SUPT3H: variants seen among roughly 807,000 people sequenced by gnomAD.
SUPT3H encodes SPT3 homolog, SAGA and STAGA complex component.
In SUPT3H, 44 loss-of-function variants were observed where a neutral mutation model predicts 44.3. The observed-to-expected ratio is 0.99, with a 90% CI of 0.78 to 1.28. The LOEUF is 1.28. SUPT3H is among the 50% of genes most tolerant of loss of function. SUPT3H has a pLI of 0.00. For synonymous variants in SUPT3H, 124 were observed against 125.6 expected (o/e 0.99, Z 0.09); for missense variants, 380 against 387.1 (o/e 0.98, Z 0.15).
chr6:45,259,930 C>A (rs1405317028), intron 2 of SUPT3H, among the ~76,000 whole-genome samples: 3 of 152,132 alleles, frequency 2.0e-5, no homozygotes, highest in African/African-American at 7.2e-5. Context: ...TTAGATAGTT[C>A]TTTTTCTCTT....
chr6:45,278,201 G>C (rs1439288476), intron 2 of SUPT3H, among the ~76,000 whole-genome samples: 1 of 152,060 alleles, frequency 6.6e-6, no homozygotes, highest in Non-Finnish European at 1.5e-5. Flanking sequence ...TAGATGACGA[G>C]TTGATGGGTG....
In SUPT3H at chr6:45,314,892, A is replaced by G. The variant is rs151065695; in HGVS notation, c.101+50309T>C. On this transcript the variant is annotated intron_variant, in intron 2 of 10. Coordinates refer to ENST00000371459, the MANE Select transcript of SUPT3H (RefSeq NM_003599.4). ...ATATTACCTGATTTCAAAATATACT[A>G]TGAGGCCATAGTCACCAAAACAGCA... Among the ~76,000 whole-genome samples, 960 of 152,336 alleles carry G rather than the reference A, an allele frequency of 6.3e-3. 14 individuals are homozygous for G. The highest frequency in any genetic ancestry group is 0.02 in the African/African-American group (838 of 41,580).
At chr6:45,187,393 C>A (rs1158057363) in intron 2 of SUPT3H, among the ~76,000 whole-genome samples, 1 of 144,092 alleles carries the variant, frequency 6.9e-6, no homozygotes, top group Non-Finnish European at 1.5e-5. Context: ...CCAACCTGGG[C>A]GACAAGGGCA....
At chr6:45,013,570 T>C (rs560597855) in intron 5 of SUPT3H, among the ~76,000 whole-genome samples, 3 of 152,192 alleles carry the variant, frequency 2.0e-5, no homozygotes, top group South Asian at 4.2e-4. Context: ...TTCTGGTATG[T>C]AGCTTTGCTC....
chr6:45,281,341 G>A (rs1364957414), intron 2 of SUPT3H, among the ~76,000 whole-genome samples: 1 of 152,246 alleles, frequency 6.6e-6, no homozygotes, highest in Non-Finnish European at 1.5e-5. Context: ...CCATTTCCTA[G>A]TCAAAGAAAG....
chr6:44,862,058 T>C (rs937289420), intron 10 of SUPT3H, among the ~76,000 whole-genome samples: 2 of 152,122 alleles, frequency 1.3e-5, no homozygotes, highest in Non-Finnish European at 2.9e-5. Flanking sequence ...AAATACAGCA[T>C]TCTCCATGCC....
At chr6:44,998,649 CTTAT>C (rs1184042770) in intron 6 of SUPT3H, among the ~76,000 whole-genome samples, 2 of 151,738 alleles carry the variant, frequency 1.3e-5, no homozygotes, top group African/African-American at 2.4e-5. Context: ...CAACCTAATA[CTTAT>C]TTTTTATTTT....
chr6:44,878,665 C>T (rs1271096569), intron 10 of SUPT3H, among the ~76,000 whole-genome samples: 4 of 152,224 alleles, frequency 2.6e-5, no homozygotes, highest in Non-Finnish European at 2.9e-5. Context: ...CTCTGGTCTA[C>T]AGCTCCCAGT....
At chr6:45,090,326 A>G (rs890422462) in intron 3 of SUPT3H, among the ~76,000 whole-genome samples, 18 of 152,130 alleles carry the variant, frequency 1.2e-4, no homozygotes, top group African/African-American at 4.3e-4. Context: ...GAGAACAGCC[A>G]TTAGGTCTTT....
At chr6:44,930,715 G>T (rs1770449137) in intron 10 of SUPT3H, among the ~76,000 whole-genome samples, 2 of 152,110 alleles carry the variant, frequency 1.3e-5, no homozygotes, top group Non-Finnish European at 2.9e-5. Context: ...GGTGGAGTTT[G>T]TTACCATTTG....
chr6:45,303,277 A>G (rs1782440007), intron 2 of SUPT3H, among the ~76,000 whole-genome samples: 1 of 152,234 alleles, frequency 6.6e-6, no homozygotes, highest in African/African-American at 2.4e-5. Context: ...GTGGGACTTA[A>G]TTAAACTAAA....
At chr6:45,184,643 G>T (rs564586459) in intron 2 of SUPT3H, among the ~76,000 whole-genome samples, 3 of 151,910 alleles carry the variant, frequency 2.0e-5, no homozygotes, top group Non-Finnish European at 4.4e-5. Flanking sequence ...AAAAAAGAAG[G>T]CTGGCTGCCT....
chr6:44,911,103 A>G (rs935318032), intron 10 of SUPT3H, among the ~76,000 whole-genome samples: 4 of 151,324 alleles, frequency 2.6e-5, no homozygotes, highest in Non-Finnish European at 5.9e-5. Context: ...TGCTAACACT[A>G]TTGGTAAGCT....
intron 2 of SUPT3H, among the ~76,000 whole-genome samples, chr6:45,291,637 A>G (rs1390505523): frequency 6.6e-6 from 1 of 152,210 alleles, no homozygotes. Context: ...ACACTCATAG[A>G]AACGCAAAAT....
chr6:45,165,185 C>G (rs1449927800), intron 2 of SUPT3H, among the ~76,000 whole-genome samples: 2 of 152,176 alleles, frequency 1.3e-5, no homozygotes, highest in Non-Finnish European at 2.9e-5. Flanking sequence ...CCTACAGGCA[C>G]TGATGAAAGC....
At position 44,986,649 on chromosome 6, in the gene SUPT3H, T is replaced by C. The variant is rs148617145; in HGVS notation, c.504+17004A>G. On this transcript the variant is annotated intron_variant, in intron 6 of 10. Coordinates refer to ENST00000371459, the MANE Select transcript of SUPT3H (RefSeq NM_003599.4). ...CTCTAAGCAAAGTAATTAAAGTAAT[T>C]AAAGGTGGTTATTATGAAATTTCTG... 3.5e-3 allele frequency among the ~76,000 whole-genome samples: 531 copies of C among 152,192 alleles called. 11 individuals are homozygous for C. The highest frequency in any genetic ancestry group is 0.028 in the Admixed American group (421 of 15,284).
intron 2 of SUPT3H, among the ~76,000 whole-genome samples, chr6:45,255,659 G>C (rs1484903886): frequency 6.6e-5 from 10 of 151,760 alleles, no homozygotes; most frequent in Non-Finnish European, 1.5e-4. Flanking sequence ...CTGGCCTCAG[G>C]TGATCCTCCC....
intron 2 of SUPT3H, among the ~76,000 whole-genome samples, chr6:45,348,109 G>A (rs1291751761): frequency 1.3e-5 from 2 of 151,978 alleles, no homozygotes; most frequent in Non-Finnish European, 2.9e-5. Context: ...TACGTTAAAA[G>A]CAGCACCTTT....
chr6:45,228,380 AAGAG>A (rs1041701154), intron 2 of SUPT3H, among the ~76,000 whole-genome samples: 1 of 152,164 alleles, frequency 6.6e-6, no homozygotes, highest in Non-Finnish European at 1.5e-5. Flanking sequence ...TCCTCCAAGT[AAGAG>A]AGAATTTTGC....
Sources: allele counts gnomAD v4.1 joint callset (sites outside exome capture counted in the v4.1 genomes callset), GRCh38; gene constraint gnomAD v4.1.1; transcripts MANE v1.5; gene names NCBI Gene and HGNC (gene_info 2026-07-23, HGNC 2026-07-21).